MCM2: variants seen among roughly 807,000 people sequenced by gnomAD.
The protein encoded by MCM2 is minichromosome maintenance complex component 2.
A neutral mutation model predicts 86.4 loss-of-function variants in MCM2; 49 were observed. That is an observed-to-expected ratio of 0.57 (90% CI 0.45 to 0.72). The LOEUF is 0.72. MCM2 is among the 30% of genes least tolerant of loss of function. The probability of loss-of-function intolerance (pLI) is 0.00; values close to 1 mark genes in which losing one functional copy is unlikely to be tolerated. For missense variants in MCM2, 1,038 were observed against 1,259.9 expected (o/e 0.82, Z 2.67); for synonymous variants, 475 against 484.6 (o/e 0.98, Z 0.26).
At chr3:127,605,674 A>G (rs1313482217) in intron 4 of MCM2, among the ~76,000 whole-genome samples, 1 of 151,954 alleles carries the variant, frequency 6.6e-6, no homozygotes, top group African/African-American at 2.4e-5. Flanking sequence ...TCCCGACCTC[A>G]GGTGATTTGC....
In MCM2 at chr3:127,620,787, T is replaced by C. The variant is rs780186571; in HGVS notation, c.2355T>C (p.Tyr785=). The C allele has an allele frequency of 1.2e-6, 2 of 1,614,134 alleles. No homozygotes were observed. The highest frequency in any genetic ancestry group is 3.3e-5 in the Admixed American group (2 of 60,026). The part of the protein sequence containing the change: ...EAHARIHLRD[Y]VIEDDVNMAI... ...ACGCGCGCATCCATCTGCGGGACTATGTGATCGAAGACGACGTCAACATGG... is the reference window on the plus strand; with the variant it reads ...ACGCGCGCATCCATCTGCGGGACTACGTGATCGAAGACGACGTCAACATGG... The change falls in exon 14 of 16, where the codon TAT becomes TAC. Residue 785 remains tyrosine, a synonymous_variant. Coordinates refer to ENST00000265056, the MANE Select transcript of MCM2 (RefSeq NM_004526.4).
chr3:127,608,569 G>A, intron 7 of MCM2, 53 bp downstream of exon 7: 1 of 1,606,796 alleles, frequency 6.2e-7, no homozygotes, highest in Non-Finnish European at 8.5e-7. Context: ...GGAACTGGCA[G>A]AAGCAGTTGT....
In MCM2 at chr3:127,617,590, G is replaced by A; in HGVS notation, c.1900+185G>A. The A allele has an allele frequency of 1.4e-6, 1 of 733,240 alleles. No homozygotes were observed. The highest frequency in any genetic ancestry group is 2.2e-6 in the Non-Finnish European group (1 of 459,608). 45.4% of individuals were successfully genotyped at this position (733,240 alleles called of 1,614,324 possible). ...TGAAAGTGGGACCTGGGACACCTGG[G>A]TTTCCTGTTGAGTCATGTTCCTGGA... On this transcript the variant is annotated intron_variant, in intron 11 of 15. Coordinates refer to ENST00000265056, the MANE Select transcript of MCM2 (RefSeq NM_004526.4). This position sits in a 1 kb window ranked among gnomAD's most constrained non-coding sequence, Gnocchi z 4.1.
chr3:127,609,198 T>C (rs930914189), intron 8 of MCM2, among the ~76,000 whole-genome samples, 175 bp downstream of exon 8: 13 of 152,234 alleles, frequency 8.5e-5, no homozygotes, highest in Middle Eastern at 3.4e-3. Flanking sequence ...TAAACTCGCA[T>C]TGGGGATGGG....
chr3:127,616,676 T>C (rs986443689), intron 9 of MCM2, among the ~76,000 whole-genome samples, 192 bp from the exon 10 acceptor site: 1 of 152,274 alleles, frequency 6.6e-6, no homozygotes, highest in Non-Finnish European at 1.5e-5. Flanking sequence ...AACCCTCCTC[T>C]GCACCCGTGT....
chr3:127,620,935 A>C (rs1237320864), intron 14 of MCM2, 55 bp downstream of exon 14: 2 of 1,572,094 alleles, frequency 1.3e-6, no homozygotes, highest in African/African-American at 2.7e-5. Flanking sequence ...AGGAGGCCAC[A>C]CGTGGGTATC....
intron 1 of MCM2, 144 bp downstream of exon 1, chr3:127,598,616 C>T (rs1009594948): frequency 1.7e-6 from 2 of 1,170,796 alleles, no homozygotes; most frequent in Non-Finnish European, 1.2e-6. Context: ...TTCTCGCCTG[C>T]ACCCTGCGTG....
intron 1 of MCM2, chr3:127,598,816 A>C: frequency 7.3e-6 from 3 of 408,834 alleles, no homozygotes; most frequent in South Asian, 4.3e-5. Flanking sequence ...TAATTTCCCA[A>C]TGATCCTTGT....
chr3:127,606,777 A>G lies in MCM2; in HGVS notation c.1061A>G (p.Glu354Gly). Residue 354 changes from glutamate (E) to glycine (G), a missense_variant, in exon 6 of 16, where the codon GAG becomes GGG. Transcript: ENST00000265056. This position sits in a 1 kb window ranked among gnomAD's most constrained non-coding sequence, Gnocchi z 4.2. ...GAGGTGAAACCAGGCTCCTGTCCTG[A>G]GTGCCAGTCGGCCGGCCCCTTTGAG... ...NQEVKPGSCP[E>G]CQSAGPFEVN... The G allele has an allele frequency of 6.2e-7, 1 of 1,614,198 alleles. No homozygotes were observed. Among genetic ancestry groups the G allele is most frequent in the Non-Finnish European group, 8.5e-7 (1 of 1,180,036 alleles).
rs778858800 is a variant in MCM2 at position 127,620,799 on chromosome 3, C to T, written c.2367C>T (p.Asp789=). The change falls in exon 14 of 16, where the codon GAC becomes GAT. Residue 789 remains aspartate (D), a synonymous_variant. Coordinates refer to ENST00000265056, the MANE Select transcript of MCM2 (RefSeq NM_004526.4). ...ATCTGCGGGACTATGTGATCGAAGA[C>T]GACGTCAACATGGCCATCCGCGTGA... ...RIHLRDYVIE[D]DVNMAIRVML... 14 of 1,614,102 alleles carry T rather than the reference C, an allele frequency of 8.7e-6. No individual in the cohort carries two copies. The highest frequency in any genetic ancestry group is 5.0e-5 in the Admixed American group (3 of 60,024).
In MCM2 at chr3:127,606,386, G is replaced by T; in HGVS notation, c.893+49G>T. 6.4e-7 allele frequency: 1 copy of T among 1,572,268 alleles called. No homozygotes were observed. Among genetic ancestry groups the T allele is most frequent in the South Asian group, 1.1e-5 (1 of 89,796 alleles). On this transcript the variant is annotated intron_variant, in intron 5 of 15. Coordinates refer to ENST00000265056, the MANE Select transcript of MCM2 (RefSeq NM_004526.4). This position sits in a 1 kb window ranked among gnomAD's most constrained non-coding sequence, Gnocchi z 4.2. Reference sequence around the variant, plus strand: ...GGCAGGTCCGAGCTCAGTGCTGGGTGACTCGGTCGTGATTCCTGAAGAGCG... The same window carrying T: ...GGCAGGTCCGAGCTCAGTGCTGGGTTACTCGGTCGTGATTCCTGAAGAGCG...
chr3:127,607,849 A>T (rs1298142744), intron 6 of MCM2, among the ~76,000 whole-genome samples: 1 of 152,236 alleles, frequency 6.6e-6, no homozygotes, highest in African/African-American at 2.4e-5. Context: ...CAGCTCAGGC[A>T]TCTTGATCTA....
In MCM2 at chr3:127,611,856, G is replaced by A. The variant is rs954661250; in HGVS notation, c.1428+2833G>A. On this transcript the variant is annotated intron_variant, in intron 8 of 15. Coordinates refer to ENST00000265056, the MANE Select transcript of MCM2 (RefSeq NM_004526.4). Reference sequence around the variant, plus strand: ...TGGGACGACAGGCGCCCGCCACTACGCCCGGCTAATTTTTTTGTATTTTTA... The same window carrying A: ...TGGGACGACAGGCGCCCGCCACTACACCCGGCTAATTTTTTTGTATTTTTA... Among the ~76,000 whole-genome samples the A allele has an allele frequency of 6.8e-5, 10 of 148,048 alleles. 1 individual carries two copies. The highest frequency in any genetic ancestry group is 1.9e-4 in the East Asian group (1 of 5,162).
At chr3:127,621,257 G>C (rs1293620360) in intron 15 of MCM2, 29 bp downstream of exon 15, 5 of 1,611,196 alleles carry the variant, frequency 3.1e-6, no homozygotes, top group Non-Finnish European at 4.2e-6. Context: ...GGTGAGGGTT[G>C]GGGTATGCTG....
intron 2 of MCM2, 121 bp from the exon 3 acceptor site, chr3:127,604,487 G>A (rs191050824): frequency 1.2e-4 from 113 of 953,232 alleles, no homozygotes; most frequent in African/African-American, 5.7e-4. Flanking sequence ...ACCTGGAAGC[G>A]CTGAGCCTAC....
At position 127,618,193 on chromosome 3, in the gene MCM2, G is replaced by A. The variant is rs1267845354; in HGVS notation, c.2013+112G>A. ...GGGACAGGTGCTGCAGGGGCCATAG[G>A]CTGTTTTCTAGTCCTGTTCCCTCGG... is the stretch of plus-strand genomic sequence containing the variant. On this transcript the variant is annotated intron_variant, in intron 12 of 15. Coordinates refer to ENST00000265056, the MANE Select transcript of MCM2 (RefSeq NM_004526.4). This position sits in a 1 kb window ranked among gnomAD's most constrained non-coding sequence, Gnocchi z 4.0. 2.5e-6 allele frequency: 2 copies of A among 813,074 alleles called. No individual in the cohort carries two copies. The highest frequency in any genetic ancestry group is 4.2e-6 in the Non-Finnish European group (2 of 480,430). The allele number at this position is 813,074 out of a possible 1,614,324, so 50.4% of individuals were successfully genotyped here. A position where few individuals can be genotyped will look rare whatever the true frequency, so the allele number is the denominator to read the frequency against.
At chr3:127,620,631 C>T in intron 13 of MCM2, 67 bp from the exon 14 acceptor site, 1 of 1,496,040 alleles carries the variant, frequency 6.7e-7, no homozygotes, top group Non-Finnish European at 9.0e-7. Context: ...GCTAAGAGTG[C>T]CGCTGCTTTA....
chr3:127,616,724 C>A, intron 9 of MCM2, 144 bp from the exon 10 acceptor site: 2 of 881,784 alleles, frequency 2.3e-6, no homozygotes, highest in Non-Finnish European at 1.8e-6. Flanking sequence ...GACTGCATGG[C>A]GTAGGGCATT....
intron 2 of MCM2, chr3:127,604,177 CT>C (rs2074327387): frequency 5.9e-6 from 1 of 169,098 alleles, no homozygotes; most frequent in African/African-American, 2.4e-5. Flanking sequence ...CCACAAAAGT[CT>C]TTTCAGTTTG....
Sources: gnomAD v4.1 joint callset for allele counts (sites outside exome capture counted in the v4.1 genomes callset) on GRCh38, gnomAD v4.1.1 for gene constraint, Gnocchi (gnomAD v3.1) non-coding constraint, MANE v1.5 for transcripts, NCBI Gene and HGNC (gene_info 2026-07-23, HGNC 2026-07-21) for gene names.